Variants in PTS observed in about 807,000 individuals in gnomAD.
PTS encodes the protein 6-pyruvoyltetrahydropterin synthase.
In PTS, 23 loss-of-function variants were observed where a neutral mutation model predicts 20.6. The ratio of observed to expected loss-of-function variants is 1.12; its 90% CI spans 0.80 to 1.58. The LOEUF (loss-of-function observed/expected upper bound fraction) is 1.58. Among genes scored for constraint, PTS ranks in the 40% most tolerant of loss-of-function variants. PTS has a pLI of 0.00. For missense variants in PTS, 186 were observed against 182.4 expected (o/e 1.02, Z -0.11); for synonymous variants, 65 against 62.5 (o/e 1.04, Z -0.19).
In PTS at chr11:112,230,204, A is replaced by T. The variant is rs780741396; in HGVS notation, c.164-4A>T. The T allele has an allele frequency of 6.2e-7, 1 of 1,613,188 alleles. No individual in the cohort carries two copies. Among genetic ancestry groups the T allele is most frequent in the Non-Finnish European group, 8.5e-7 (1 of 1,179,282 alleles). On this transcript the variant is annotated splice_polypyrimidine_tract_variant and splice_region_variant and intron_variant, in intron 2 of 5. Coordinates refer to ENST00000280362, the MANE Select transcript of PTS (RefSeq NM_000317.3). ...TTTTTTTGTATTTTGTTTTCTTTCC[A>T]TAGTTGTGGTGACAGTACATGGAGA... is the stretch of plus-strand genomic sequence containing the variant.
chr11:112,233,592 T>C lies in PTS; in HGVS notation c.*37T>C. 1.2e-6 allele frequency: 2 copies of C among 1,612,020 alleles called. No individual in the cohort carries two copies. The highest frequency in any genetic ancestry group is 1.7e-6 in the Non-Finnish European group (2 of 1,179,204). On this transcript the variant is annotated 3_prime_UTR_variant, in exon 6 of 6. Transcript: ENST00000280362. ...AGCATTGCACAAAGCCCAGTTTCTT[T>C]CTGTGTTTGAAAAAGATTTTGATCC...
At chr11:112,228,337 G>A in intron 1 of PTS, 1 of 520,706 alleles carries the variant, frequency 1.9e-6, no homozygotes, top group Non-Finnish European at 3.4e-6. Context: ...AGTTGCTGTG[G>A]AACAAGGGGG....
At chr11:112,232,329 A>G (rs564552918) in intron 4 of PTS, among the ~76,000 whole-genome samples, 6 of 152,356 alleles carry the variant, frequency 3.9e-5, no homozygotes, top group African/African-American at 1.4e-4. Flanking sequence ...AGATGAAGCA[A>G]GGATGCCCGT....
chr11:112,232,366 C>T lies in PTS; in HGVS notation c.244-797C>T, dbSNP rs1474567467. Among the ~76,000 whole-genome samples the T allele has an allele frequency of 4.6e-5, 7 of 152,174 alleles. 1 individual carries two copies. The highest frequency in any genetic ancestry group is 1.3e-4 in the Admixed American group (2 of 15,282). On this transcript the variant is annotated intron_variant, in intron 4 of 5. Transcript: ENST00000280362. ...TTCTTGTTATTCATGTGGAACATCC[C>T]TTCATTGGATATATTTCAATAACTG...
chr11:112,230,156 T>C, intron 2 of PTS, 52 bp from the exon 3 acceptor site: 3 of 1,551,100 alleles, frequency 1.9e-6, no homozygotes, highest in Non-Finnish European at 2.7e-6. Context: ...GCTTGGATGT[T>C]GATCTGTTGA....
chr11:112,231,806 T>C (rs931228811), intron 4 of PTS, among the ~76,000 whole-genome samples: 6 of 143,754 alleles, frequency 4.2e-5, no homozygotes, highest in Non-Finnish European at 7.4e-5. Flanking sequence ...CAAAATACTT[T>C]AGGAAAGTTA....
intron 1 of PTS, 37 bp downstream of exon 1, chr11:112,226,563 G>A: frequency 2.7e-6 from 4 of 1,492,856 alleles, no homozygotes; most frequent in African/African-American, 1.4e-5. Context: ...CGGGCGGTGG[G>A]CGCCGGGCCC....
rs747245062 is a variant in PTS at position 112,228,663 on chromosome 11, C to T, written c.153C>T (p.His51=). Residue 51 remains histidine, a synonymous_variant, in exon 2 of 6, where the codon CAC becomes CAT. Transcript: ENST00000280362. ...GCAACAATCCAAATGGCCATGGGCA[C>T]AATTATAAAGGTGAGAGAAAAACTG... is the stretch of plus-strand genomic sequence containing the variant. The part of the protein sequence containing the change: ...GKCNNPNGHG[H]NYKVVVTVHG... 5 of 1,608,928 alleles carry T rather than the reference C, an allele frequency of 3.1e-6. No homozygotes were observed. The highest frequency in any genetic ancestry group is 2.2e-5 in the East Asian group (1 of 44,776).
At position 112,233,560 on chromosome 11, in the gene PTS, T is replaced by G. The variant is rs374835803; in HGVS notation, c.*5T>G. On this transcript the variant is annotated 3_prime_UTR_variant, in exon 6 of 6. Coordinates refer to ENST00000280362, the MANE Select transcript of PTS (RefSeq NM_000317.3). The stretch of plus-strand genomic sequence containing the variant: ...GTGGTTTATAAAGGAGAATAGCTAT[T>G]GGGGTTAGCATTGCACAAAGCCCAG... 29 of 1,613,488 alleles carry G rather than the reference T, an allele frequency of 1.8e-5. No homozygotes were observed. In the African/African-American group the frequency reaches 3.7e-4, roughly 21 times the overall value.
chr11:112,228,737 A>C, intron 2 of PTS, 64 bp downstream of exon 2: 2 of 1,433,544 alleles, frequency 1.4e-6, no homozygotes, highest in Non-Finnish European at 2.0e-6. Context: ...CAGCAAATGT[A>C]GACATAAAGA....
rs891011536 is a variant in PTS at position 112,230,703 on chromosome 11, T to C, written c.243+21T>C. 12 of 1,579,560 alleles carry C rather than the reference T, an allele frequency of 7.6e-6. No individual in the cohort carries two copies. In the African/African-American group the frequency reaches 1.5e-4, roughly 20 times the overall value. ...TGGAGGTAATGGCATGTTGGGTGCT[T>C]ATTATGTGCTATTCCCTAACTGTAA... On this transcript the variant is annotated intron_variant, in intron 4 of 5. Coordinates refer to ENST00000280362, the MANE Select transcript of PTS (RefSeq NM_000317.3).
Position 112,233,740 on chromosome 11 carries a change from T to A in PTS, c.*185T>A. The A allele has an allele frequency of 1.5e-6, 1 of 658,628 alleles. No homozygotes were observed. 40.8% of individuals were successfully genotyped at this position (658,628 alleles called of 1,614,324 possible). ...TTAAGTCTATTTAAAACTAAACTTGTAATATACATCCTGAAAATCATTTAG... is the reference window on the plus strand; with the variant it reads ...TTAAGTCTATTTAAAACTAAACTTGAAATATACATCCTGAAAATCATTTAG... On this transcript the variant is annotated 3_prime_UTR_variant, in exon 6 of 6. Coordinates refer to ENST00000280362, the MANE Select transcript of PTS (RefSeq NM_000317.3).
At chr11:112,228,435 A>G (rs1006550736) in intron 1 of PTS, 159 bp from the exon 2 acceptor site, 2 of 657,480 alleles carry the variant, frequency 3.0e-6, no homozygotes, top group Non-Finnish European at 5.2e-6. Context: ...TACGTAAGTA[A>G]TAAAATCAAC....
intron 1 of PTS, among the ~76,000 whole-genome samples, chr11:112,227,582 C>CCTT (rs1859881975): frequency 6.6e-6 from 1 of 152,056 alleles, no homozygotes; most frequent in Admixed American, 6.6e-5. Flanking sequence ...GCCTCAGGGA[C>CCTT]CTTCCACTCA....
rs962076200 is a variant in PTS at position 112,230,494 on chromosome 11, A to T, written c.187-132A>T. 22 of 891,410 alleles carry T rather than the reference A, an allele frequency of 2.5e-5. 1 individual carries two copies. In the Admixed American group the frequency reaches 3.8e-4, roughly 16 times the overall value. The allele number at this position is 891,410 out of a possible 1,614,324, so 55.2% of individuals were successfully genotyped here. On this transcript the variant is annotated intron_variant, in intron 3 of 5. Transcript: ENST00000280362. ...TGGTGCTTCCATGCTGAGGTCAATG[A>T]TTATCTCTGGGATGAAGGCAAATGT...
intron 2 of PTS, chr11:112,228,900 T>A (rs1859898387): frequency 1.7e-6 from 1 of 578,276 alleles, no homozygotes; most frequent in South Asian, 2.1e-5. Flanking sequence ...AAACAATGAA[T>A]GGTTTAAAGC....
At chr11:112,230,485 A>G (rs1191380838) in intron 3 of PTS, 141 bp from the exon 4 acceptor site, 2 of 843,204 alleles carry the variant, frequency 2.4e-6, no homozygotes, top group Non-Finnish European at 4.1e-6. Flanking sequence ...TTCCATGCTG[A>G]GGTCAATGAT....
chr11:112,226,491 C>T lies in PTS; in HGVS notation c.48C>T (p.Arg16=), dbSNP rs1859866135. The T allele has an allele frequency of 2.5e-6, 4 of 1,586,878 alleles. No homozygotes were observed. The highest frequency in any genetic ancestry group is 4.6e-5 in the East Asian group (2 of 43,906). Residue 16 remains arginine (R), a synonymous_variant, in exon 1 of 6, where the codon CGC becomes CGT. Coordinates refer to ENST00000280362, the MANE Select transcript of PTS (RefSeq NM_000317.3). ...GTCGCTGCCAGGCACAAGTGTCCCG[C>T]CGCATCTCCTTCAGCGCGAGCCACC... is the stretch of plus-strand genomic sequence containing the variant. ...GGRRCQAQVS[R]RISFSASHRL... is the part of the protein sequence containing the mutation.
chr11:112,232,009 G>C (rs1029034157), intron 4 of PTS, among the ~76,000 whole-genome samples: 1 of 152,180 alleles, frequency 6.6e-6, no homozygotes, highest in South Asian at 2.1e-4. Flanking sequence ...AACATAAAAG[G>C]CCTCAACATA....
Sources: allele counts gnomAD v4.1 joint callset (sites outside exome capture counted in the v4.1 genomes callset), GRCh38; gene constraint gnomAD v4.1.1; transcripts MANE v1.5; gene names NCBI Gene and HGNC (gene_info 2026-07-23, HGNC 2026-07-21).